TAX1BP1: variants seen among roughly 807,000 people sequenced by gnomAD.
TAX1BP1 encodes Tax1 binding protein 1.
A neutral mutation model predicts 97.7 loss-of-function variants in TAX1BP1; 62 were observed. That is an observed-to-expected ratio of 0.63 (90% CI 0.52 to 0.78). The LOEUF (loss-of-function observed/expected upper bound fraction) is 0.78. TAX1BP1 is among the 30% of genes least tolerant of loss of function. The probability of loss-of-function intolerance (pLI) is 0.00; values close to 1 mark genes in which losing one functional copy is unlikely to be tolerated. For synonymous variants in TAX1BP1, 340 were observed against 304.2 expected, an observed-to-expected ratio of 1.12 and a Z score of -1.23; for missense variants, 867 against 916.1, an observed-to-expected ratio of 0.95 and a Z score of 0.69.
chr7:27,805,672 A>G (rs1790310273), intron 13 of TAX1BP1, among the ~76,000 whole-genome samples: 1 of 152,138 alleles, frequency 6.6e-6, no homozygotes, highest in African/African-American at 2.4e-5. Flanking sequence ...CCACGTCTCT[A>G]TTAAAAATGC....
At chr7:27,797,230 C>T (rs1789969535) in intron 12 of TAX1BP1, among the ~76,000 whole-genome samples, 1 of 152,026 alleles carries the variant, frequency 6.6e-6, no homozygotes, top group African/African-American at 2.4e-5. Flanking sequence ...ATCTCCTGAC[C>T]TCGTGATCCA....
At position 27,818,207 on chromosome 7, in the gene TAX1BP1, T is replaced by C. The variant is rs368288411; in HGVS notation, c.2085+1169T>C. On this transcript the variant is annotated intron_variant, in intron 15 of 16. Transcript: ENST00000396319. ...AATGTTCTTTCTGATCTGTGTGCTT[T>C]GCCCTCCTGCAAACCCAGGAGAAGC... Among the ~76,000 whole-genome samples, 24 of 152,344 alleles carry C rather than the reference T, an allele frequency of 1.6e-4. 1 individual carries two copies. In the East Asian group the frequency reaches 3.3e-3, roughly 21 times the overall value.
rs570473390 is a variant in TAX1BP1, at chr7:27,775,171, A to G, written c.612+5337A>G. ...TTACTGCCAGGAAAAAAATAATCCA[A>G]GTAAACTAAGACATACCGTTGATTG... On this transcript the variant is annotated intron_variant, in intron 5 of 16. Coordinates refer to ENST00000396319, the MANE Select transcript of TAX1BP1 (RefSeq NM_006024.7). Among the ~76,000 whole-genome samples the G allele has an allele frequency of 4.0e-4, 61 of 152,304 alleles. 1 individual carries two copies. The South Asian group carries it at 0.012, about 31-fold the overall frequency.
intron 7 of TAX1BP1, 21 bp from the exon 8 acceptor site, chr7:27,787,397 C>T: frequency 6.4e-7 from 1 of 1,563,890 alleles, no homozygotes; most frequent in Non-Finnish European, 8.6e-7. Flanking sequence ...ATATTCTTGA[C>T]ATTTTCAAAC....
At position 27,785,373 on chromosome 7, in the gene TAX1BP1, A is replaced by G. The variant is rs369487693; in HGVS notation, c.762-26A>G. The G allele has an allele frequency of 4.6e-5, 74 of 1,598,962 alleles. No homozygotes were observed. In the African/African-American group the frequency reaches 9.1e-4, roughly 20 times the overall value. The stretch of plus-strand genomic sequence containing the variant: ...AATTTTAAAACTTTAAAACATTATA[A>G]TGTTACTTTATCATACCTATCTTAG... On this transcript the variant is annotated intron_variant, in intron 6 of 16. Transcript: ENST00000396319.
chr7:27,753,374 CTATATGTTACATTA>C lies in TAX1BP1; in HGVS notation c.163-4653_163-4640del, dbSNP rs1433973303. 5.9e-5 allele frequency among the ~76,000 whole-genome samples: 9 copies of C among 152,182 alleles called. 1 individual carries two copies. Among genetic ancestry groups the C allele is most frequent in the Admixed American group, 5.9e-4 (9 of 15,284 alleles). On this transcript the variant is annotated intron_variant, in intron 2 of 16. Transcript: ENST00000396319. ...AACCAACGTTAATTGCAGTAAAATA[CTATATGTTACATTA>C]TATTTGAGTTTTGTTCCGTTTTGTG...
At position 27,828,779 on chromosome 7, in the gene TAX1BP1, G is replaced by A. The variant is rs767505918; in HGVS notation, c.2320G>A (p.Glu774Lys). The A allele has an allele frequency of 1.9e-6, 3 of 1,601,432 alleles. No homozygotes were observed. Reference sequence around the variant, plus strand: ...TCCTGACTATGACCAGCAGGTGTTTGAAAGGCATGTGCAGACCCATTTTGA... The same window carrying A: ...TCCTGACTATGACCAGCAGGTGTTTAAAAGGCATGTGCAGACCCATTTTGA... ...FPPDYDQQVFERHVQTHFDQN... is the reference protein window; with the variant it reads ...FPPDYDQQVFKRHVQTHFDQN... The change falls in exon 17 of 17, where the codon GAA (glutamate) becomes AAA (lysine). Residue 774 changes from glutamate (E) to lysine (K), a missense_variant. This residue lies in a region of TAX1BP1 where 34 missense variants were observed against 33.2 expected (regional missense o/e 1.02). Transcript: ENST00000396319.
chr7:27,746,563 C>A (rs1246424756), intron 1 of TAX1BP1, among the ~76,000 whole-genome samples: 1 of 151,976 alleles, frequency 6.6e-6, no homozygotes, highest in Non-Finnish European at 1.5e-5. Context: ...AGGCAGAGTT[C>A]TCCAGTGTTT....
intron 3 of TAX1BP1, among the ~76,000 whole-genome samples, chr7:27,764,588 T>C (rs903111809): frequency 6.6e-6 from 1 of 152,220 alleles, no homozygotes; most frequent in African/African-American, 2.4e-5. Flanking sequence ...ATTATTTTTT[T>C]CCCTTGTAAT....
intron 2 of TAX1BP1, among the ~76,000 whole-genome samples, chr7:27,751,052 A>G (rs530633476): frequency 6.6e-6 from 1 of 152,236 alleles, no homozygotes; most frequent in East Asian, 1.9e-4. Context: ...ACCTAGAGCC[A>G]TACAGGGCTC....
At chr7:27,759,709 T>G (rs1333507363) in intron 3 of TAX1BP1, among the ~76,000 whole-genome samples, 1 of 152,170 alleles carries the variant, frequency 6.6e-6, no homozygotes, top group Non-Finnish European at 1.5e-5. Context: ...TTAAGAATGT[T>G]CTTATGTTAG....
chr7:27,747,627 A>C (rs1194776581), intron 1 of TAX1BP1, among the ~76,000 whole-genome samples: 3 of 152,158 alleles, frequency 2.0e-5, no homozygotes, highest in Admixed American at 2.0e-4. Flanking sequence ...AAGATTTTAC[A>C]TGGTTTGAGA....
At chr7:27,747,703 T>G (rs184508439) in intron 1 of TAX1BP1, among the ~76,000 whole-genome samples, 1 of 151,812 alleles carries the variant, frequency 6.6e-6, no homozygotes, top group African/African-American at 2.4e-5. Context: ...TGGAAATGAG[T>G]GAGAGGTAGA....
At chr7:27,782,039 AT>A (rs1193920632) in intron 5 of TAX1BP1, among the ~76,000 whole-genome samples, 1 of 152,130 alleles carries the variant, frequency 6.6e-6, no homozygotes, top group Admixed American at 6.5e-5. Flanking sequence ...TGTATAAAAT[AT>A]TTTTTTCTCC....
intron 11 of TAX1BP1, 22 bp from the exon 12 acceptor site, chr7:27,796,094 C>T (rs1291248487): frequency 1.9e-6 from 3 of 1,584,118 alleles, no homozygotes; most frequent in Non-Finnish European, 2.6e-6. Context: ...TTTTAACAGT[C>T]TTATATTCTG....
At chr7:27,780,937 CCATT>C (rs1243675900) in intron 5 of TAX1BP1, among the ~76,000 whole-genome samples, 1 of 151,698 alleles carries the variant, frequency 6.6e-6, no homozygotes, top group African/African-American at 2.4e-5. Context: ...TGAGTAGTTC[CCATT>C]CAATTTAATT....
In TAX1BP1 at chr7:27,792,140, G is replaced by A. The variant is rs1232384422; in HGVS notation, c.1173G>A (p.Leu391=). 1.2e-6 allele frequency: 2 copies of A among 1,613,890 alleles called. No individual in the cohort carries two copies. Among genetic ancestry groups the A allele is most frequent in the East Asian group, 2.2e-5 (1 of 44,890 alleles). ...TACGAGACAGAACGATGGCAGACCT[G>A]CATACTGCACGCTTGGAAAACGAGA... ...VNVRDRTMAD[L]HTARLENEKV... The change falls in exon 9 of 17, where the codon CTG becomes CTA. Residue 391 remains leucine (L), a synonymous_variant. Transcript: ENST00000396319.
chr7:27,787,366 A>G (rs565335201), intron 7 of TAX1BP1, 52 bp from the exon 8 acceptor site: 3 of 1,462,826 alleles, frequency 2.1e-6, no homozygotes, highest in African/African-American at 1.4e-5. Flanking sequence ...AACTTTGACT[A>G]ACTTAGGTCA....
At chr7:27,819,227 G>A (rs970942132) in intron 15 of TAX1BP1, among the ~76,000 whole-genome samples, 9 of 151,522 alleles carry the variant, frequency 5.9e-5, no homozygotes, top group Non-Finnish European at 1.0e-4. Context: ...CTTGCTGACC[G>A]TTAAGTATTT....
Sources: gnomAD v4.1 joint callset for allele counts (sites outside exome capture counted in the v4.1 genomes callset) on GRCh38, gnomAD v4.1.1 for gene constraint, gnomAD v4.1.1 regional missense constraint, MANE v1.5 for transcripts, NCBI Gene and HGNC (gene_info 2026-07-23, HGNC 2026-07-21) for gene names.